The following CNTNAP5 variants were observed in gnomAD, a reference collection of about 807,000 sequenced individuals.
CNTNAP5 encodes contactin-associated protein-like 5.
Under a neutral mutation model 150.2 loss-of-function variants are expected in CNTNAP5, and 72 were observed. That is an observed-to-expected ratio of 0.48 (90% CI 0.40 to 0.58). The LOEUF is 0.58. Ranked by LOEUF, CNTNAP5 falls within the 20% of genes least tolerant of loss-of-function variation. CNTNAP5 has a pLI of 0.00. For synonymous variants in CNTNAP5, 672 were observed against 619.8 expected, an observed-to-expected ratio of 1.08 and a Z score of -1.25; for missense variants, 1,636 against 1,626.2, an observed-to-expected ratio of 1.01 and a Z score of -0.10.
intron 3 of CNTNAP5, among the ~76,000 whole-genome samples, chr2:124,247,161 G>T (rs1687051440): frequency 6.6e-6 from 1 of 152,102 alleles, no homozygotes; most frequent in Non-Finnish European, 1.5e-5. Flanking sequence ...CATTTATTCT[G>T]CCACGTTGGG....
intron 7 of CNTNAP5, among the ~76,000 whole-genome samples, chr2:124,492,846 ATTAG>A (rs796741580): frequency 3.9e-5 from 6 of 152,142 alleles, no homozygotes; most frequent in African/African-American, 1.4e-4. Flanking sequence ...GAATTTATTT[ATTAG>A]TTCTAGCAAA....
intron 13 of CNTNAP5, among the ~76,000 whole-genome samples, chr2:124,668,209 A>G (rs1211052490): frequency 6.6e-6 from 1 of 152,204 alleles, no homozygotes; most frequent in South Asian, 2.1e-4. Flanking sequence ...AGCATGCTGT[A>G]GTCATACATT....
intron 1 of CNTNAP5, among the ~76,000 whole-genome samples, chr2:124,219,383 C>A (rs770684148): frequency 5.9e-5 from 9 of 152,080 alleles, no homozygotes; most frequent in Non-Finnish European, 4.4e-5. Flanking sequence ...AAATACATAA[C>A]TACTATATAC....
chr2:124,444,423 G>A (rs563869049), intron 5 of CNTNAP5, among the ~76,000 whole-genome samples: 147 of 152,104 alleles, frequency 9.7e-4, no homozygotes, highest in African/African-American at 3.5e-3. Flanking sequence ...GTGAAAACCC[G>A]TTTCTACCAA....
intron 21 of CNTNAP5, among the ~76,000 whole-genome samples, chr2:124,893,702 G>A (rs1288934264): frequency 6.6e-6 from 1 of 152,084 alleles, no homozygotes; most frequent in Non-Finnish European, 1.5e-5. Flanking sequence ...AGAAAGGCAA[G>A]TAGCACTGGA....
chr2:124,781,323 AG>A (rs1315916621), intron 17 of CNTNAP5, among the ~76,000 whole-genome samples: 1 of 152,202 alleles, frequency 6.6e-6, no homozygotes, highest in East Asian at 1.9e-4. Context: ...CGGTATGAGC[AG>A]GGAAAACTGG....
At chr2:124,152,329 C>T (rs766170597) in intron 1 of CNTNAP5, among the ~76,000 whole-genome samples, 34 of 152,270 alleles carry the variant, frequency 2.2e-4, no homozygotes, top group Non-Finnish European at 2.9e-4. Context: ...ATTATATCCA[C>T]GTCCCATTGA....
intron 1 of CNTNAP5, among the ~76,000 whole-genome samples, chr2:124,086,741 G>A (rs1321048753): frequency 1.3e-5 from 2 of 151,448 alleles, no homozygotes; most frequent in Non-Finnish European, 2.9e-5. Context: ...ACATAGTTGG[G>A]TCATGGCTTA....
In CNTNAP5 at chr2:124,554,318, A is replaced by G. The variant is rs1008092905; in HGVS notation, c.1650-8899A>G. 2.6e-5 allele frequency among the ~76,000 whole-genome samples: 4 copies of G among 152,178 alleles called. No individual in the cohort carries two copies. The East Asian group carries it at 7.7e-4, about 29-fold the overall frequency. ...ATGTGACAAACACTTGTCAAACTTG[A>G]ACATTCAGAAAATAAACATTTAACT... is the stretch of plus-strand genomic sequence containing the variant. On this transcript the variant is annotated intron_variant, in intron 10 of 23. Transcript: ENST00000682447.
At chr2:124,783,877 G>A (rs1681505473) in intron 17 of CNTNAP5, among the ~76,000 whole-genome samples, 1 of 152,182 alleles carries the variant, frequency 6.6e-6, no homozygotes, top group African/African-American at 2.4e-5. Context: ...AACTCAACCA[G>A]ATACATGCCT....
At chr2:124,599,330 A>G (rs1387936102) in intron 11 of CNTNAP5, among the ~76,000 whole-genome samples, 1 of 152,184 alleles carries the variant, frequency 6.6e-6, no homozygotes, top group East Asian at 1.9e-4. Flanking sequence ...TTTATCAACA[A>G]ATATCTATAG....
rs114248423 is a variant in CNTNAP5, at chr2:124,543,108, A to C, written c.1649+15652A>C. Among the ~76,000 whole-genome samples, 1,215 of 152,312 alleles carry C rather than the reference A, an allele frequency of 8.0e-3. 11 individuals are homozygous for C. The highest frequency in any genetic ancestry group is 0.027 in the African/African-American group (1,118 of 41,564). On this transcript the variant is annotated intron_variant, in intron 10 of 23. Transcript: ENST00000682447. ...AATAGCAAGAGTGCCTAATAAAAGC[A>C]ACGCCAGAGCCAGCTGTCATCATTC...
At chr2:124,202,041 A>T (rs1182693634) in intron 1 of CNTNAP5, among the ~76,000 whole-genome samples, 2 of 152,126 alleles carry the variant, frequency 1.3e-5, no homozygotes, top group African/African-American at 4.8e-5. Flanking sequence ...ATACTTCATA[A>T]ATCATGTTTC....
chr2:124,062,269 T>C (rs1173739003), intron 1 of CNTNAP5, among the ~76,000 whole-genome samples: 1 of 152,224 alleles, frequency 6.6e-6, no homozygotes, highest in Non-Finnish European at 1.5e-5. Context: ...ATCCTTTCCA[T>C]ATATTCCTTG....
At chr2:124,197,081 C>T (rs953550043) in intron 1 of CNTNAP5, among the ~76,000 whole-genome samples, 2 of 152,272 alleles carry the variant, frequency 1.3e-5, no homozygotes, top group East Asian at 1.9e-4. Context: ...ATTCTACTAT[C>T]CTGTTTCAGA....
intron 20 of CNTNAP5, among the ~76,000 whole-genome samples, chr2:124,866,232 C>T (rs958003103): frequency 6.6e-6 from 1 of 152,148 alleles, no homozygotes; most frequent in East Asian, 1.9e-4. Flanking sequence ...TGCACTCCAG[C>T]CTGGGAGACA....
intron 1 of CNTNAP5, among the ~76,000 whole-genome samples, chr2:124,079,353 G>A (rs1682507383): frequency 6.6e-6 from 1 of 152,182 alleles, no homozygotes; most frequent in Non-Finnish European, 1.5e-5. Flanking sequence ...CTTTGTGCTT[G>A]TATGGAAGCT....
At chr2:124,498,399 G>A (rs1694200983) in intron 7 of CNTNAP5, among the ~76,000 whole-genome samples, 1 of 152,114 alleles carries the variant, frequency 6.6e-6, no homozygotes, top group Non-Finnish European at 1.5e-5. Flanking sequence ...GAGGGGGAGG[G>A]AAGGGGAAAG....
chr2:124,110,992 C>G (rs1683284873), intron 1 of CNTNAP5, among the ~76,000 whole-genome samples: 1 of 152,100 alleles, frequency 6.6e-6, no homozygotes, highest in African/African-American at 2.4e-5. Context: ...CTCTACTTGT[C>G]TGGTAAATGA....
Sources: gnomAD v4.1 joint callset for allele counts (sites outside exome capture counted in the v4.1 genomes callset) on GRCh38, gnomAD v4.1.1 for gene constraint, MANE v1.5 for transcripts, NCBI Gene and HGNC (gene_info 2026-07-23, HGNC 2026-07-21) for gene names.